PDE3B: variants seen among roughly 807,000 people sequenced by gnomAD.
PDE3B encodes cGMP-inhibited 3',5'-cyclic phosphodiesterase 3B.
In PDE3B, 66 loss-of-function variants were observed where a neutral mutation model predicts 116.8. The ratio of observed to expected loss-of-function variants is 0.56; its 90% CI spans 0.46 to 0.69. The LOEUF (loss-of-function observed/expected upper bound fraction) is 0.69, where lower values mean the gene tolerates loss of function less well. Among genes scored for constraint, PDE3B ranks in the 30% least tolerant of loss-of-function variants. The probability of loss-of-function intolerance (pLI) is 0.00; values close to 1 mark genes in which losing one functional copy is unlikely to be tolerated. For missense variants in PDE3B, 1,384 were observed against 1,368.1 expected, an observed-to-expected ratio of 1.01 and a Z score of -0.18; for synonymous variants, 595 against 533.6, an observed-to-expected ratio of 1.12 and a Z score of -1.59.
At chr11:14,710,345 C>T (rs945446726) in intron 1 of PDE3B, among the ~76,000 whole-genome samples, 24 of 152,140 alleles carry the variant, frequency 1.6e-4, no homozygotes, top group African/African-American at 5.8e-4. Context: ...CTAGGACATC[C>T]TCTTCCACCC....
intron 1 of PDE3B, among the ~76,000 whole-genome samples, chr11:14,663,215 A>C (rs1853997188): frequency 6.6e-6 from 1 of 152,144 alleles, no homozygotes; most frequent in Non-Finnish European, 1.5e-5. Flanking sequence ...ACTAAGCTTC[A>C]TAAGTGAAGG....
At chr11:14,844,898 T>A (rs996108995) in intron 12 of PDE3B, among the ~76,000 whole-genome samples, 2 of 152,200 alleles carry the variant, frequency 1.3e-5, no homozygotes. Context: ...AGGCTCCACC[T>A]CTGGGGGCAG....
intron 1 of PDE3B, among the ~76,000 whole-genome samples, chr11:14,675,697 A>G (rs1170951747): frequency 6.6e-6 from 1 of 152,180 alleles, no homozygotes; most frequent in Non-Finnish European, 1.5e-5. Flanking sequence ...TCAGTCGTGA[A>G]TATATTCAAT....
chr11:14,727,146 T>A (rs1856331603), intron 1 of PDE3B, among the ~76,000 whole-genome samples: 1 of 152,180 alleles, frequency 6.6e-6, no homozygotes, highest in Non-Finnish European at 1.5e-5. Flanking sequence ...CATTTCTTTT[T>A]GTTATAACTC....
intron 1 of PDE3B, among the ~76,000 whole-genome samples, chr11:14,731,408 G>A (rs1230624075): frequency 2.0e-5 from 3 of 151,734 alleles, no homozygotes; most frequent in African/African-American, 2.4e-5. Context: ...GCAGGTGCCC[G>A]CCACCACACC....
Position 14,644,819 on chromosome 11 carries a change from C to G in PDE3B, c.744C>G (p.Leu248=), listed in dbSNP as rs368636812. The change falls in exon 1 of 16, where the codon CTC becomes CTG. Residue 248 remains leucine, a synonymous_variant. Coordinates refer to ENST00000282096, the MANE Select transcript of PDE3B (RefSeq NM_000922.4). ...GSLPSALRPL[L]SGLVGGAGCL... ...TGCCCTCCGCCCTCAGGCCGCTGCT[C>G]TCCGGCCTGGTGGGGGGCGCTGGCT... The G allele has an allele frequency of 6.2e-7, 1 of 1,612,166 alleles. No homozygotes were observed. The highest frequency in any genetic ancestry group is 8.5e-7 in the Non-Finnish European group (1 of 1,179,086).
At chr11:14,675,514 G>A (rs900295508) in intron 1 of PDE3B, among the ~76,000 whole-genome samples, 1 of 151,818 alleles carries the variant, frequency 6.6e-6, no homozygotes, top group Non-Finnish European at 1.5e-5. Context: ...ACTTCTTTCC[G>A]GTCTGTTCCA....
chr11:14,722,073 A>T (rs1012674782), intron 1 of PDE3B, among the ~76,000 whole-genome samples: 8 of 150,110 alleles, frequency 5.3e-5, no homozygotes, highest in Non-Finnish European at 1.5e-5. Context: ...AAAACAAAAC[A>T]CCGCATGTTC....
chr11:14,683,441 A>G (rs926147334), intron 1 of PDE3B, among the ~76,000 whole-genome samples: 23 of 152,146 alleles, frequency 1.5e-4, no homozygotes, highest in African/African-American at 5.5e-4. Context: ...CATTTCATCT[A>G]AGTTACTGAA....
At chr11:14,819,998 T>G (rs1371324159) in intron 7 of PDE3B, among the ~76,000 whole-genome samples, 1 of 152,180 alleles carries the variant, frequency 6.6e-6, no homozygotes, top group African/African-American at 2.4e-5. Flanking sequence ...AACTCTAAAG[T>G]GTTGTATCCT....
the PDE3B span, among the ~76,000 whole-genome samples, chr11:14,884,844 G>C: frequency 6.6e-6 from 1 of 151,808 alleles, no homozygotes; most frequent in African/African-American, 2.4e-5. Context: ...TACTGTGATT[G>C]CATCATCTTT....
At chr11:14,709,501 A>G (rs1282971035) in intron 1 of PDE3B, among the ~76,000 whole-genome samples, 1 of 152,114 alleles carries the variant, frequency 6.6e-6, no homozygotes, top group African/African-American at 2.4e-5. Context: ...AGGCACTACC[A>G]CTTTTCTTCT....
At chr11:14,890,781 T>C in the PDE3B span, 7 of 760,954 alleles carry the variant, frequency 9.2e-6, no homozygotes, top group South Asian at 3.0e-4. Flanking sequence ...ATCTCCTGAT[T>C]TCGTGATCCG....
At chr11:14,721,721 C>G (rs1242898381) in intron 1 of PDE3B, among the ~76,000 whole-genome samples, 1 of 75,500 alleles carries the variant, frequency 1.3e-5, no homozygotes, top group Non-Finnish European at 2.3e-5. Context: ...GGGAATTGAA[C>G]AATGAGATCA....
chr11:14,660,802 A>G (rs1055684199), intron 1 of PDE3B, among the ~76,000 whole-genome samples: 6 of 152,228 alleles, frequency 3.9e-5, no homozygotes, highest in Admixed American at 6.5e-5. Flanking sequence ...GTTAAATAAC[A>G]TATTTACATT....
chr11:14,751,339 T>C (rs1183995073), intron 1 of PDE3B, among the ~76,000 whole-genome samples: 1 of 152,216 alleles, frequency 6.6e-6, no homozygotes, highest in Non-Finnish European at 1.5e-5. Context: ...TGTAATTCAT[T>C]CTTTTCTGTT....
intron 14 of PDE3B, among the ~76,000 whole-genome samples, chr11:14,862,643 G>A (rs868955476): frequency 7.2e-5 from 11 of 152,018 alleles, no homozygotes; most frequent in African/African-American, 1.7e-4. Context: ...GCGCGATCTC[G>A]GCTCACTGCA....
chr11:14,770,423 A>C (rs1338702540), intron 1 of PDE3B, among the ~76,000 whole-genome samples: 2 of 151,584 alleles, frequency 1.3e-5, no homozygotes, highest in Non-Finnish European at 3.0e-5. Context: ...AGCATGGAGG[A>C]AAATGGATCA....
intron 10 of PDE3B, among the ~76,000 whole-genome samples, chr11:14,833,162 A>G (rs1292579586): frequency 1.3e-5 from 2 of 152,272 alleles, no homozygotes; most frequent in African/African-American, 4.8e-5. Flanking sequence ...CATGTTGGCC[A>G]GGCTGGTGCT....
Sources: gnomAD v4.1 joint callset for allele counts (sites outside exome capture counted in the v4.1 genomes callset) on GRCh38, gnomAD v4.1.1 for gene constraint, MANE v1.5 for transcripts, NCBI Gene and HGNC (gene_info 2026-07-23, HGNC 2026-07-21) for gene names.